Variants in IMMP2L observed in about 807,000 individuals in gnomAD.
IMMP2L encodes mitochondrial inner membrane protease subunit 2.
IMMP2L carries 18 observed loss-of-function variants against 19.3 expected under a neutral mutation model. That is an observed-to-expected ratio of 0.93 (90% CI 0.64 to 1.38). The LOEUF (loss-of-function observed/expected upper bound fraction) is 1.38, where lower values mean the gene tolerates loss of function less well. Among genes scored for constraint, IMMP2L ranks in the 40% most tolerant of loss-of-function variants. The pLI, the probability that IMMP2L is intolerant of heterozygous loss-of-function variation, is 0.00. For synonymous variants in IMMP2L, 76 were observed against 73.0 expected (o/e 1.04, Z -0.21); for missense variants, 233 against 218.2 (o/e 1.07, Z -0.43).
chr7:111,380,554 A>G (rs1831100500), intron 3 of IMMP2L, among the ~76,000 whole-genome samples: 1 of 152,094 alleles, frequency 6.6e-6, no homozygotes, highest in Non-Finnish European at 1.5e-5. Context: ...AGCAGCAGAT[A>G]TGTAACAATA....
At chr7:110,737,560 T>C (rs765413208) in intron 5 of IMMP2L, among the ~76,000 whole-genome samples, 4 of 152,198 alleles carry the variant, frequency 2.6e-5, no homozygotes, top group Non-Finnish European at 4.4e-5. Flanking sequence ...CTGTCTCTGC[T>C]CCCACCTGGT....
At chr7:110,722,557 AT>A (rs1345779236) in intron 5 of IMMP2L, among the ~76,000 whole-genome samples, 1 of 152,122 alleles carries the variant, frequency 6.6e-6, no homozygotes, top group African/African-American at 2.4e-5. Context: ...AATACAATCT[AT>A]TTTCTCCACA....
At chr7:111,122,740 G>A in intron 3 of IMMP2L, 9 of 1,550,228 alleles carry the variant, frequency 5.8e-6, no homozygotes, top group Non-Finnish European at 7.9e-6. Context: ...GAATCCTTAA[G>A]GGCCCATTAC....
intron 5 of IMMP2L, among the ~76,000 whole-genome samples, chr7:110,841,420 C>T (rs980208934): frequency 2.0e-5 from 3 of 151,620 alleles, no homozygotes; most frequent in African/African-American, 7.3e-5. Flanking sequence ...AAAATCTATG[C>T]ACGAAAATTA....
chr7:110,693,978 G>GTCC (rs1310764351), intron 5 of IMMP2L, among the ~76,000 whole-genome samples: 2 of 152,030 alleles, frequency 1.3e-5, no homozygotes, highest in East Asian at 3.9e-4. Flanking sequence ...GGGAACAGAG[G>GTCC]GGACCTTCAT....
chr7:110,794,639 T>C (rs1380490631), intron 5 of IMMP2L, among the ~76,000 whole-genome samples: 1 of 152,036 alleles, frequency 6.6e-6, no homozygotes, highest in African/African-American at 2.4e-5. Context: ...CCCAGCCTCC[T>C]AGGGATTCTA....
intron 1 of IMMP2L, among the ~76,000 whole-genome samples, chr7:111,553,956 A>G (rs935932167): frequency 6.6e-6 from 1 of 152,204 alleles, no homozygotes; most frequent in African/African-American, 2.4e-5. Context: ...CAGGACGGGT[A>G]TACTACCATC....
intron 3 of IMMP2L, among the ~76,000 whole-genome samples, chr7:111,430,395 G>C (rs1437477122): frequency 6.6e-6 from 1 of 151,036 alleles, no homozygotes; most frequent in Non-Finnish European, 1.5e-5. Context: ...TACATTTTTA[G>C]GAAAAGCTAA....
intron 3 of IMMP2L, among the ~76,000 whole-genome samples, chr7:111,387,342 C>T (rs1465632572): frequency 1.3e-5 from 2 of 152,088 alleles, no homozygotes; most frequent in Admixed American, 1.3e-4. Flanking sequence ...AGCTTTTAAA[C>T]CAGCTTTCTG....
At chr7:111,030,981 A>T (rs1790748964) in intron 3 of IMMP2L, among the ~76,000 whole-genome samples, 1 of 149,588 alleles carries the variant, frequency 6.7e-6, no homozygotes, top group Non-Finnish European at 1.5e-5. Context: ...GATGGGAACC[A>T]GATTTCTCAC....
chr7:111,349,652 C>A (rs1193109995), intron 3 of IMMP2L, among the ~76,000 whole-genome samples: 1 of 152,004 alleles, frequency 6.6e-6, no homozygotes, highest in African/African-American at 2.4e-5. Context: ...TCAGGTGGTA[C>A]CAGCAAGGGG....
intron 5 of IMMP2L, among the ~76,000 whole-genome samples, chr7:110,867,849 A>G (rs1299896000): frequency 6.6e-6 from 1 of 152,002 alleles, no homozygotes; most frequent in Non-Finnish European, 1.5e-5. Context: ...AAGCTGGTTG[A>G]TTTCTGAAAC....
At chr7:111,235,079 G>A (rs1814134882) in intron 3 of IMMP2L, among the ~76,000 whole-genome samples, 2 of 151,942 alleles carry the variant, frequency 1.3e-5, no homozygotes, top group Admixed American at 1.3e-4. Context: ...ATATCTTTCA[G>A]TACAGGTCTG....
At chr7:111,163,870 G>A (rs1013635051) in intron 3 of IMMP2L, among the ~76,000 whole-genome samples, 1 of 151,978 alleles carries the variant, frequency 6.6e-6, no homozygotes, top group African/African-American at 2.4e-5. Context: ...GGGGAGACTA[G>A]GCTGTTGTTA....
At chr7:111,450,933 T>A (rs967055557) in intron 3 of IMMP2L, among the ~76,000 whole-genome samples, 17 of 151,828 alleles carry the variant, frequency 1.1e-4, no homozygotes, top group Middle Eastern at 3.4e-3. Context: ...AGAAGACATT[T>A]ATGCAGCCAA....
At chr7:111,197,449 C>G (rs531331302) in intron 3 of IMMP2L, among the ~76,000 whole-genome samples, 7 of 151,862 alleles carry the variant, frequency 4.6e-5, no homozygotes, top group Non-Finnish European at 7.4e-5. Context: ...GGCAACAGAG[C>G]GAGACTCCAT....
chr7:111,451,588 G>A (rs1259219250), intron 3 of IMMP2L, among the ~76,000 whole-genome samples: 1 of 146,496 alleles, frequency 6.8e-6, no homozygotes, highest in Admixed American at 6.8e-5. Flanking sequence ...GGGAGGGATA[G>A]CATTGGGAGA....
chr7:111,498,359 A>G lies in IMMP2L; in HGVS notation c.136-11018T>C, dbSNP rs540738272. ...ATAAAATTTATATAAACATATCTGCATATTAACCTGAAGACAGACTGCTAT... is the reference window on the plus strand; with the variant it reads ...ATAAAATTTATATAAACATATCTGCGTATTAACCTGAAGACAGACTGCTAT... On this transcript the variant is annotated intron_variant, in intron 2 of 5. Coordinates refer to ENST00000405709, the MANE Select transcript of IMMP2L (RefSeq NM_032549.4). Among the ~76,000 whole-genome samples, 3 of 152,302 alleles carry G rather than the reference A, an allele frequency of 2.0e-5. No individual in the cohort carries two copies. In the South Asian group the frequency reaches 6.2e-4, roughly 32 times the overall value.
chr7:110,705,668 G>A (rs1439536138), intron 5 of IMMP2L, among the ~76,000 whole-genome samples: 1 of 151,974 alleles, frequency 6.6e-6, no homozygotes, highest in African/African-American at 2.4e-5. Context: ...GGATATGAAT[G>A]ACCTGTCACC....
Sources: allele counts gnomAD v4.1 joint callset (sites outside exome capture counted in the v4.1 genomes callset), GRCh38; gene constraint gnomAD v4.1.1; transcripts MANE v1.5; gene names NCBI Gene and HGNC (gene_info 2026-07-23, HGNC 2026-07-21).